TLE3: variants seen among roughly 807,000 people sequenced by gnomAD.
TLE3 encodes transducin-like enhancer protein 3.
A neutral mutation model predicts 93.0 loss-of-function variants in TLE3; 14 were observed. The observed-to-expected ratio is 0.15, with a 90% CI of 0.10 to 0.24. TLE3 has a LOEUF of 0.24. Ranked by LOEUF, TLE3 falls within the 10% of genes least tolerant of loss-of-function variation. TLE3 has a pLI of 1.00. For synonymous variants in TLE3, 451 were observed against 425.0 expected (o/e 1.06, Z -0.75); for missense variants, 693 against 1,046.6 (o/e 0.66, Z 4.66).
intron 5 of TLE3, 61 bp downstream of exon 5, chr15:70,076,035 C>G: frequency 6.6e-7 from 1 of 1,523,356 alleles, no homozygotes; most frequent in Non-Finnish European, 9.1e-7. Flanking sequence ...TCCAGTGAGA[C>G]CCCACCAGCC....
Position 70,049,275 on chromosome 15 carries a change from G to C in TLE3, c.*822C>G, listed in dbSNP as rs2141339419. 1 of 152,408 alleles carries C rather than the reference G, an allele frequency of 6.6e-6. No homozygotes were observed. Among genetic ancestry groups the C allele is most frequent in the East Asian group, 1.9e-4 (1 of 5,180 alleles). The allele number at this position is 152,408 out of a possible 1,614,324, so 9.4% of individuals were successfully genotyped here. A position where few individuals can be genotyped will look rare whatever the true frequency, so the allele number is the denominator to read the frequency against. On this transcript the variant is annotated 3_prime_UTR_variant, in exon 20 of 20. Transcript: ENST00000451782. ...GGCAGCCAGAGTGCAAGAGACCACA[G>C]AAAGCTCCATTTCTGCGGGTGTCCG...
chr15:70,066,939 T>C, intron 6 of TLE3: 1 of 379,764 alleles, frequency 2.6e-6, no homozygotes, highest in Non-Finnish European at 5.4e-6. Flanking sequence ...AATTTCCTTA[T>C]CTGTAAAGGG....
chr15:70,054,773 A>C, intron 15 of TLE3, 88 bp from the exon 16 acceptor site: 24 of 1,448,018 alleles, frequency 1.7e-5, no homozygotes, highest in Non-Finnish European at 2.0e-5. Flanking sequence ...GAGCACCCTC[A>C]CCAGTCCTGC....
At chr15:70,064,866 A>G (rs757870139) in intron 7 of TLE3, among the ~76,000 whole-genome samples, 1 of 151,924 alleles carries the variant, frequency 6.6e-6, no homozygotes, top group African/African-American at 2.4e-5. Flanking sequence ...ATGCCATATA[A>G]AATACCAGTA....
chr15:70,085,721 G>C (rs144309317), intron 4 of TLE3, among the ~76,000 whole-genome samples: 1,588 of 152,286 alleles, frequency 0.01, 10 homozygotes, highest in South Asian at 0.032. Flanking sequence ...CTGCAGGAGA[G>C]GGGCATGTCT....
intron 6 of TLE3, 104 bp downstream of exon 6, chr15:70,074,429 T>C (rs979237646): frequency 8.5e-6 from 12 of 1,417,814 alleles, no homozygotes; most frequent in Non-Finnish European, 8.7e-6. Flanking sequence ...GGGGCCGCCA[T>C]TCTTTGAGGC....
chr15:70,051,903 T>A (rs1201684070), intron 18 of TLE3, among the ~76,000 whole-genome samples: 1 of 152,170 alleles, frequency 6.6e-6, no homozygotes, highest in Non-Finnish European at 1.5e-5. Context: ...TCTACAAGTG[T>A]TAAAGCCCTT....
Position 70,053,210 on chromosome 15 carries a change from A to C in TLE3, c.1974+17T>G. On this transcript the variant is annotated intron_variant, in intron 17 of 19. Transcript: ENST00000451782. ...ACACACTGCTCTTTGGGAAGGGAGG[A>C]GTCTTGGGCCGCACACCTGGGAAGT... is the stretch of plus-strand genomic sequence containing the variant. 6.2e-7 allele frequency: 1 copy of C among 1,603,314 alleles called. No individual in the cohort carries two copies. Among genetic ancestry groups the C allele is most frequent in the Non-Finnish European group, 8.5e-7 (1 of 1,174,702 alleles).
At chr15:70,059,292 G>A in intron 10 of TLE3, 118 bp downstream of exon 10, 9 of 1,235,716 alleles carry the variant, frequency 7.3e-6, no homozygotes, top group South Asian at 1.5e-5. Flanking sequence ...TGGAGGCCTT[G>A]TCTCCCTGCT....
rs1250666907 is a variant in TLE3 at position 70,096,265 on chromosome 15, G to C, written c.25-4C>G. On this transcript the variant is annotated splice_polypyrimidine_tract_variant and splice_region_variant and intron_variant, in intron 1 of 19. Coordinates refer to ENST00000451782, the MANE Select transcript of TLE3 (RefSeq NM_001105192.3). ...GCTGCCCGGGTTGATGGGGAGCCTG[G>C]AGCCCGCGAAGACAAGACAGGGGAG... 2 of 1,552,070 alleles carry C rather than the reference G, an allele frequency of 1.3e-6. No individual in the cohort carries two copies. Among genetic ancestry groups the C allele is most frequent in the African/African-American group, 2.7e-5 (2 of 73,132 alleles).
At position 70,096,050 on chromosome 15, in the gene TLE3, C is replaced by A. The variant is rs535911798; in HGVS notation, c.125+111G>T. ...AAACAAAAGGCGGAGGCCCGGGCTG[C>A]CCCGCCGCCCCTAGGTCGGGAGCCC... is the stretch of plus-strand genomic sequence containing the variant. On this transcript the variant is annotated intron_variant, in intron 2 of 19. Transcript: ENST00000451782. The A allele has an allele frequency of 8.7e-5, 111 of 1,270,652 alleles. 1 individual carries two copies. The South Asian group carries it at 1.5e-3, about 18-fold the overall frequency. 78.7% of individuals were successfully genotyped at this position (1,270,652 alleles called of 1,614,324 possible).
intron 18 of TLE3, 62 bp from the exon 19 acceptor site, chr15:70,051,529 GC>G: frequency 1.4e-6 from 2 of 1,444,546 alleles, no homozygotes; most frequent in South Asian, 1.2e-5. Flanking sequence ...AGCAAGACCT[GC>G]CCTAGACATG....
At position 70,058,526 on chromosome 15, in the gene TLE3, G is replaced by A; in HGVS notation, c.918+137C>T. The stretch of plus-strand genomic sequence containing the variant: ...ACGTTAACTCATTAGCACAGGCCCA[G>A]CAGGCACAGAAGGTAAACCGGGGCC... On this transcript the variant is annotated intron_variant, in intron 11 of 19. Transcript: ENST00000451782. The surrounding 1 kb of genome is among the most constrained non-coding windows in gnomAD (Gnocchi z 4.1). 7.4e-7 allele frequency: 1 copy of A among 1,353,160 alleles called. No homozygotes were observed. The highest frequency in any genetic ancestry group is 9.9e-7 in the Non-Finnish European group (1 of 1,013,848). 83.8% of individuals were successfully genotyped at this position (1,353,160 alleles called of 1,614,324 possible). A position where few individuals can be genotyped will look rare whatever the true frequency, so the allele number is the denominator to read the frequency against.
chr15:70,065,969 G>GCCCCCCCCCCCCCCCCCC, intron 7 of TLE3, 45 bp downstream of exon 7: 14 of 1,294,406 alleles, frequency 1.1e-5, no homozygotes, highest in Non-Finnish European at 1.3e-5. Flanking sequence ...GAGCGCCCAT[G>GCCCCCCCCCCCCCCCCCC]CCCACCCCTG....
Position 70,097,798 on chromosome 15 carries a change from A to C in TLE3, c.-1000T>G. ...ACACCCAACACACACACACGCGCGC[A>C]CGCACACACACACACACCAAAAAAA... On this transcript the variant is annotated 5_prime_UTR_variant, in exon 1 of 20. Transcript: ENST00000451782. 2.9e-6 allele frequency: 1 copy of C among 340,266 alleles called. No homozygotes were observed. The highest frequency in any genetic ancestry group is 4.9e-6 in the Non-Finnish European group (1 of 202,632). The allele number at this position is 340,266 out of a possible 1,614,324, so 21.1% of individuals were successfully genotyped here. A position where few individuals can be genotyped will look rare whatever the true frequency, so the allele number is the denominator to read the frequency against.
intron 4 of TLE3, among the ~76,000 whole-genome samples, chr15:70,085,448 A>G (rs962617353): frequency 1.3e-5 from 2 of 152,216 alleles, no homozygotes; most frequent in Admixed American, 6.5e-5. Flanking sequence ...AGTAGGCCCA[A>G]TGGGCATTCA....
chr15:70,050,947 C>T (rs999261654), intron 19 of TLE3: 11 of 162,580 alleles, frequency 6.8e-5, no homozygotes, highest in Admixed American at 5.9e-5. Flanking sequence ...CTTTCCTCCT[C>T]TCTTTCCTGT....
chr15:70,076,830 C>G (rs2057470278), intron 4 of TLE3, among the ~76,000 whole-genome samples: 1 of 152,134 alleles, frequency 6.6e-6, no homozygotes, highest in Admixed American at 6.5e-5. Context: ...AGGTGATTCT[C>G]CTGCCTCAGC....
chr15:70,089,049 C>T (rs532916015), intron 4 of TLE3, among the ~76,000 whole-genome samples: 1 of 152,350 alleles, frequency 6.6e-6, no homozygotes, highest in Non-Finnish European at 1.5e-5. Flanking sequence ...TTCCCAAGTG[C>T]AGTCCCCGCC....
Sources: allele counts gnomAD v4.1 joint callset (sites outside exome capture counted in the v4.1 genomes callset), GRCh38; gene constraint gnomAD v4.1.1; non-coding constraint Gnocchi (gnomAD v3.1); transcripts MANE v1.5; gene names NCBI Gene and HGNC (gene_info 2026-07-23, HGNC 2026-07-21).